CNNM2: variants seen among roughly 807,000 people sequenced by gnomAD.
CNNM2 encodes metal transporter CNNM2.
Under a neutral mutation model 66.9 loss-of-function variants are expected in CNNM2, and 12 were observed. That is an observed-to-expected ratio of 0.18 (90% CI 0.11 to 0.29). CNNM2 has a LOEUF of 0.29. CNNM2 is among the 10% of genes least tolerant of loss of function. The pLI, the probability that CNNM2 is intolerant of heterozygous loss-of-function variation, is 1.00. For missense variants in CNNM2, 705 were observed against 1,167.7 expected (o/e 0.60, Z 5.77); for synonymous variants, 557 against 501.8 (o/e 1.11, Z -1.47).
chr10:102,969,299 C>T (rs561994778), intron 1 of CNNM2, among the ~76,000 whole-genome samples: 6 of 152,034 alleles, frequency 3.9e-5, no homozygotes, highest in East Asian at 3.9e-4. Context: ...CTGAAATCTC[C>T]GCCTCTGGGG....
Position 102,957,014 on chromosome 10 carries a change from A to T in CNNM2, c.1621+36913A>T, listed in dbSNP as rs113541728. Among the ~76,000 whole-genome samples, 15,871 of 152,216 alleles carry T rather than the reference A, an allele frequency of 0.1. 852 individuals are homozygous for T. Among genetic ancestry groups the T allele is most frequent in the Middle Eastern group, 0.18 (52 of 294 alleles). ...TAATAATTTTTTTAAAAAAGATGGT[A>T]AGATTGGCTGGGCACGGTGGCTCAT... On this transcript the variant is annotated intron_variant, in intron 1 of 7. Coordinates refer to ENST00000369878, the MANE Select transcript of CNNM2 (RefSeq NM_017649.5).
intron 1 of CNNM2, among the ~76,000 whole-genome samples, chr10:102,920,735 T>A (rs185027351): frequency 7.4e-4 from 113 of 152,328 alleles, no homozygotes; most frequent in African/African-American, 2.6e-3. Context: ...TGACTTCTCT[T>A]AGCTAGAAAA....
intron 1 of CNNM2, among the ~76,000 whole-genome samples, chr10:103,023,878 G>C (rs2064644196): frequency 6.6e-6 from 1 of 152,094 alleles, no homozygotes; most frequent in Admixed American, 6.6e-5. Context: ...CTAGTATAAT[G>C]AATATACATA....
chr10:102,943,380 T>A (rs1307370929), intron 1 of CNNM2, among the ~76,000 whole-genome samples: 1 of 151,862 alleles, frequency 6.6e-6, no homozygotes, highest in Non-Finnish European at 1.5e-5. Flanking sequence ...TAGTACATTA[T>A]GATCTCACCT....
At chr10:102,938,759 T>C (rs1018897992) in intron 1 of CNNM2, among the ~76,000 whole-genome samples, 1 of 152,124 alleles carries the variant, frequency 6.6e-6, no homozygotes, top group Non-Finnish European at 1.5e-5. Flanking sequence ...CCTATGCCTA[T>C]TAGACAGTTA....
At chr10:102,979,503 A>G (rs1220568299) in intron 1 of CNNM2, among the ~76,000 whole-genome samples, 2 of 152,120 alleles carry the variant, frequency 1.3e-5, no homozygotes, top group African/African-American at 4.8e-5. Context: ...TATTCTTTTC[A>G]TCTCTGTCCC....
chr10:102,939,832 G>A (rs931870124), intron 1 of CNNM2, among the ~76,000 whole-genome samples: 3 of 152,032 alleles, frequency 2.0e-5, no homozygotes, highest in Non-Finnish European at 2.9e-5. Flanking sequence ...TCAGCTGGGC[G>A]TGGCGCACAC....
chr10:103,028,679 G>A (rs911975515), intron 1 of CNNM2, among the ~76,000 whole-genome samples: 2 of 151,906 alleles, frequency 1.3e-5, no homozygotes, highest in Non-Finnish European at 2.9e-5. Flanking sequence ...GTCACTGATT[G>A]GCCTTGTTTA....
chr10:103,022,294 T>C (rs1370789490), intron 1 of CNNM2, among the ~76,000 whole-genome samples: 1 of 152,234 alleles, frequency 6.6e-6, no homozygotes. Flanking sequence ...GTGCTGAGTA[T>C]TTTATATGTA....
At chr10:103,063,994 C>T (rs528731682) in intron 4 of CNNM2, among the ~76,000 whole-genome samples, 6 of 152,190 alleles carry the variant, frequency 3.9e-5, no homozygotes, top group South Asian at 2.1e-4. Flanking sequence ...GAATAAGATA[C>T]GTTTACTGGA....
intron 1 of CNNM2, among the ~76,000 whole-genome samples, chr10:102,963,102 G>A (rs781193284): frequency 1.3e-5 from 2 of 152,078 alleles, no homozygotes; most frequent in African/African-American, 2.4e-5. Context: ...CAGTTTAAGC[G>A]AACTCTAAAC....
At chr10:102,981,503 C>T (rs573462512) in intron 1 of CNNM2, among the ~76,000 whole-genome samples, 24 of 152,028 alleles carry the variant, frequency 1.6e-4, no homozygotes, top group African/African-American at 5.1e-4. Flanking sequence ...GATCCTCCCA[C>T]CTCAGCCTCC....
chr10:103,012,705 C>A (rs2064367645), intron 1 of CNNM2, among the ~76,000 whole-genome samples: 1 of 141,514 alleles, frequency 7.1e-6, no homozygotes, highest in Non-Finnish European at 1.5e-5. Flanking sequence ...TAATCCTTGA[C>A]AAATGAGTTT....
At chr10:102,949,634 A>C (rs1846752667) in intron 1 of CNNM2, among the ~76,000 whole-genome samples, 1 of 152,048 alleles carries the variant, frequency 6.6e-6, no homozygotes, top group African/African-American at 2.4e-5. Context: ...GAAAATACTA[A>C]AAATACGCGC....
rs189591201 is a variant in CNNM2, at chr10:102,978,933, A to G, written c.1621+58832A>G. Among the ~76,000 whole-genome samples, 6 of 152,292 alleles carry G rather than the reference A, an allele frequency of 3.9e-5. No homozygotes were observed. The East Asian group carries it at 9.6e-4, about 24-fold the overall frequency. Reference sequence around the variant, plus strand: ...CTTATGTGTGTGTGAATCATCCATGATGTTTTATGAAATTGTAAATGGTTT... The same window carrying G: ...CTTATGTGTGTGTGAATCATCCATGGTGTTTTATGAAATTGTAAATGGTTT... On this transcript the variant is annotated intron_variant, in intron 1 of 7. Transcript: ENST00000369878.
chr10:103,000,884 A>T (rs1289721080), intron 1 of CNNM2, among the ~76,000 whole-genome samples: 3 of 152,168 alleles, frequency 2.0e-5, no homozygotes, highest in African/African-American at 7.2e-5. Context: ...TGGCCTGTAC[A>T]CCATGTTTAT....
At chr10:103,014,373 A>T (rs2064401838) in intron 1 of CNNM2, among the ~76,000 whole-genome samples, 1 of 152,202 alleles carries the variant, frequency 6.6e-6, no homozygotes, top group South Asian at 2.1e-4. Flanking sequence ...TGCTTTGTAT[A>T]TATTAACTCA....
intron 1 of CNNM2, among the ~76,000 whole-genome samples, chr10:102,930,928 A>G (rs1166819098): frequency 1.3e-5 from 2 of 152,164 alleles, no homozygotes; most frequent in Admixed American, 1.3e-4. Flanking sequence ...CATGTTGTTT[A>G]TCCACTCATC....
intron 3 of CNNM2, 151 bp from the exon 4 acceptor site, chr10:103,056,644 C>A (rs763712624): frequency 4.2e-6 from 3 of 709,420 alleles, no homozygotes; most frequent in Non-Finnish European, 7.3e-6. Context: ...GGTAATCTGT[C>A]CCCAGTGGAT....
Sources: gnomAD v4.1 joint callset for allele counts (sites outside exome capture counted in the v4.1 genomes callset) on GRCh38, gnomAD v4.1.1 for gene constraint, MANE v1.5 for transcripts, NCBI Gene and HGNC (gene_info 2026-07-23, HGNC 2026-07-21) for gene names.